NVL: variants seen among roughly 807,000 people sequenced by gnomAD.
NVL encodes nuclear VCP like.
A neutral mutation model predicts 110.2 loss-of-function variants in NVL; 84 were observed. The observed-to-expected ratio is 0.76, with a 90% CI of 0.64 to 0.91. The LOEUF (loss-of-function observed/expected upper bound fraction) is 0.91, where lower values mean the gene tolerates loss of function less well. Among genes scored for constraint, NVL ranks in the 40% least tolerant of loss-of-function variants. The pLI is 0.00. For missense variants in NVL, 882 were observed against 1,035.9 expected (o/e 0.85, Z 2.04); for synonymous variants, 354 against 361.1 (o/e 0.98, Z 0.22).
At chr1:224,299,728 T>G (rs1355713554) in intron 10 of NVL, among the ~76,000 whole-genome samples, 1 of 152,248 alleles carries the variant, frequency 6.6e-6, no homozygotes, top group Non-Finnish European at 1.5e-5. Flanking sequence ...CACTCTGCCC[T>G]TTCCACCTTT....
intron 6 of NVL, among the ~76,000 whole-genome samples, chr1:224,307,490 C>A (rs1669044769): frequency 6.6e-6 from 1 of 151,996 alleles, no homozygotes; most frequent in African/African-American, 2.4e-5. Context: ...TTGCTTGACC[C>A]CAAGAGTTCA....
chr1:224,245,446 C>T (rs764441707), intron 19 of NVL, among the ~76,000 whole-genome samples: 2 of 152,190 alleles, frequency 1.3e-5, no homozygotes, highest in African/African-American at 2.4e-5. Context: ...ACCAGGCCAA[C>T]GCAGGCAGAC....
In NVL at chr1:224,270,127, GTAACA is replaced by G. The variant is rs572323143; in HGVS notation, c.2083-1999_2083-1995del. Among the ~76,000 whole-genome samples the G allele has an allele frequency of 3.3e-5, 5 of 151,658 alleles. No homozygotes were observed. In the East Asian group the frequency reaches 5.8e-4, roughly 18 times the overall value. The stretch of plus-strand genomic sequence containing the variant: ...TGGTGCTCCTTATTATCACTCCTTG[GTAACA>G]TAACACTAACAGAATCATAATCCAT... On this transcript the variant is annotated intron_variant, in intron 17 of 22. Coordinates refer to ENST00000281701, the MANE Select transcript of NVL (RefSeq NM_002533.4).
intron 19 of NVL, among the ~76,000 whole-genome samples, chr1:224,241,909 G>C (rs1345647821): frequency 2.0e-5 from 3 of 151,774 alleles, no homozygotes; most frequent in Non-Finnish European, 4.4e-5. Context: ...GCAGGCACCT[G>C]TAATCCCAGC....
At chr1:224,244,451 A>C (rs1661570645) in intron 19 of NVL, among the ~76,000 whole-genome samples, 1 of 152,134 alleles carries the variant, frequency 6.6e-6, no homozygotes, top group Non-Finnish European at 1.5e-5. Flanking sequence ...CCAAATAAAA[A>C]ATATAAAAAA....
At chr1:224,250,108 A>T in intron 19 of NVL, 104 bp downstream of exon 19, 1 of 1,146,234 alleles carries the variant, frequency 8.7e-7, no homozygotes, top group Non-Finnish European at 1.2e-6. Context: ...AAACACAGCT[A>T]CAGAAAAGAA....
chr1:224,284,023 T>C lies in NVL; in HGVS notation c.1899+2003A>G, dbSNP rs1666626771. Reference sequence around the variant, plus strand: ...TTTCAATTTCTTACAATTCAAAATATTTTTAAAAGTTGATAAGGGTTAGTT... The same window carrying C: ...TTTCAATTTCTTACAATTCAAAATACTTTTAAAAGTTGATAAGGGTTAGTT... On this transcript the variant is annotated intron_variant, in intron 15 of 22. Transcript: ENST00000281701. 1.3e-5 allele frequency among the ~76,000 whole-genome samples: 2 copies of C among 152,240 alleles called. 1 individual carries two copies. The highest frequency in any genetic ancestry group is 1.3e-4 in the Admixed American group (2 of 15,278).
chr1:224,286,253 T>A, intron 14 of NVL, 123 bp from the exon 15 acceptor site: 1 of 693,580 alleles, frequency 1.4e-6, no homozygotes, highest in Non-Finnish European at 2.4e-6. Context: ...GTCACCCAGC[T>A]AGAGTGCAGT....
Position 224,286,014 on chromosome 1 carries a change from C to T in NVL, c.1899+12G>A, listed in dbSNP as rs1666822083. ...AAGAAATAAATTACATGCAATTGAA[C>T]TTATATGATACCTTCGCCAGCAGAG... is the stretch of plus-strand genomic sequence containing the variant. On this transcript the variant is annotated intron_variant, in intron 15 of 22. Coordinates refer to ENST00000281701, the MANE Select transcript of NVL (RefSeq NM_002533.4). 6.3e-7 allele frequency: 1 copy of T among 1,597,366 alleles called. No homozygotes were observed. Among genetic ancestry groups the T allele is most frequent in the East Asian group, 2.2e-5 (1 of 44,776 alleles).
Position 224,289,593 on chromosome 1 carries a change from A to G in NVL, c.1466T>C (p.Val489Ala). 6.2e-7 allele frequency: 1 copy of G among 1,614,150 alleles called. No individual in the cohort carries two copies. Among genetic ancestry groups the G allele is most frequent in the Non-Finnish European group, 8.5e-7 (1 of 1,180,034 alleles). The change falls in exon 13 of 23, where the codon GTC (valine) becomes GCC (alanine). Residue 489 changes from valine (V) to alanine (A), a missense_variant. Coordinates refer to ENST00000281701, the MANE Select transcript of NVL (RefSeq NM_002533.4). ...CTGCTGTTCCTGTAGCTTCATTAAG[A>G]CTCTATTGACTGCACACATTGCTGC... The part of the protein sequence containing the change: ...REAAMCAVNR[V>A]LMKLQEQQKK...
intron 15 of NVL, 93 bp downstream of exon 15, chr1:224,285,933 A>G: frequency 1.1e-6 from 1 of 885,750 alleles, no homozygotes; most frequent in South Asian, 1.8e-5. Context: ...AATTATGCAT[A>G]AGACTTACCT....
chr1:224,246,881 C>CA (rs1235076833), intron 19 of NVL, among the ~76,000 whole-genome samples: 37 of 148,968 alleles, frequency 2.5e-4, no homozygotes, highest in Admixed American at 1.3e-3. Flanking sequence ...ACTAAAAATA[C>CA]AAAAAAAAAA....
rs549705807 is a variant in NVL, at chr1:224,249,349, TC to T, written c.2289+862del. ...CATGTTTCCCAGGCTGATCTTGAAC[TC>T]CTGAGGTCAAAGCAATCCACCTGCC... is the stretch of plus-strand genomic sequence containing the variant. On this transcript the variant is annotated intron_variant, in intron 19 of 22. Transcript: ENST00000281701. Among the ~76,000 whole-genome samples, 204 of 152,294 alleles carry T rather than the reference TC, an allele frequency of 1.3e-3. 1 individual carries two copies. Among genetic ancestry groups the T allele is most frequent in the African/African-American group, 4.8e-3 (200 of 41,570 alleles).
At chr1:224,323,175 G>A (rs1368717723) in intron 2 of NVL, among the ~76,000 whole-genome samples, 3 of 152,156 alleles carry the variant, frequency 2.0e-5, no homozygotes, top group African/African-American at 7.2e-5. Flanking sequence ...GAGGACTTGT[G>A]TTTTACTGTT....
intron 4 of NVL, among the ~76,000 whole-genome samples, chr1:224,315,464 A>G (rs989367216): frequency 3.3e-5 from 5 of 152,240 alleles, no homozygotes; most frequent in Non-Finnish European, 7.3e-5. Context: ...AAAAATTCTC[A>G]GCAATCTAGG....
intron 11 of NVL, among the ~76,000 whole-genome samples, chr1:224,296,132 T>C (rs958910056): frequency 2.0e-5 from 3 of 151,880 alleles, no homozygotes; most frequent in Non-Finnish European, 4.4e-5. Flanking sequence ...CTCTATCTCA[T>C]CAATCAATCA....
chr1:224,305,171 A>T lies in NVL; in HGVS notation c.616-5T>A. On this transcript the variant is annotated splice_polypyrimidine_tract_variant and splice_region_variant and intron_variant, in intron 6 of 22. Transcript: ENST00000281701. ...AAGAGAAGAATCTTTTGAATCCTGG[A>T]AAGAAAATAAATTTAAATATGCCAT... The T allele has an allele frequency of 6.3e-7, 1 of 1,595,482 alleles. No homozygotes were observed. The highest frequency in any genetic ancestry group is 1.1e-5 in the South Asian group (1 of 87,018).
chr1:224,250,108 A>G, intron 19 of NVL, 104 bp downstream of exon 19: 1 of 1,146,234 alleles, frequency 8.7e-7, no homozygotes, highest in South Asian at 1.6e-5. Flanking sequence ...AAACACAGCT[A>G]CAGAAAAGAA....
At chr1:224,301,357 A>C (rs1668390304) in intron 9 of NVL, among the ~76,000 whole-genome samples, 1 of 152,028 alleles carries the variant, frequency 6.6e-6, no homozygotes, top group African/African-American at 2.4e-5. Flanking sequence ...CTCCCAATTC[A>C]GCCTCCCAAA....
Sources: allele counts gnomAD v4.1 joint callset (sites outside exome capture counted in the v4.1 genomes callset), GRCh38; gene constraint gnomAD v4.1.1; transcripts MANE v1.5; gene names NCBI Gene and HGNC (gene_info 2026-07-23, HGNC 2026-07-21).